The following CLASP1 variants were observed in gnomAD, a reference collection of about 807,000 sequenced individuals.
The protein encoded by CLASP1 is CLIP-associating protein 1.
A neutral mutation model predicts 192.3 loss-of-function variants in CLASP1; 38 were observed. The ratio of observed to expected loss-of-function variants is 0.20; its 90% confidence interval spans 0.15 to 0.26. The LOEUF (loss-of-function observed/expected upper bound fraction) is 0.26. CLASP1 is among the 10% of genes least tolerant of loss of function. CLASP1 has a pLI of 1.00. For synonymous variants in CLASP1, 691 were observed against 712.8 expected, an observed-to-expected ratio of 0.97 and a Z score of 0.49; for missense variants, 1,433 against 1,932.5, an observed-to-expected ratio of 0.74 and a Z score of 4.85.
chr2:121,585,093 T>C (rs1466926712), intron 2 of CLASP1, among the ~76,000 whole-genome samples: 2 of 152,184 alleles, frequency 1.3e-5, no homozygotes, highest in African/African-American at 4.8e-5. Context: ...AGAAAAACTA[T>C]GGAGAGATTA....
chr2:121,621,757 G>A (rs2106114732), intron 1 of CLASP1, among the ~76,000 whole-genome samples: 2 of 152,098 alleles, frequency 1.3e-5, no homozygotes, highest in East Asian at 3.9e-4. Flanking sequence ...TTTCAAGATT[G>A]TTTTGGCAAT....
Position 121,387,745 on chromosome 2 carries a change from C to G in CLASP1, c.3267+18G>C. 1.2e-6 allele frequency: 2 copies of G among 1,613,620 alleles called. No homozygotes were observed. The highest frequency in any genetic ancestry group is 1.7e-6 in the Non-Finnish European group (2 of 1,179,606). On this transcript the variant is annotated intron_variant, in intron 31 of 39. Transcript: ENST00000263710. ...TCATGGACATCACATAGGCACCAAT[C>G]GTGACCAAAGCACTCACCACACTGG...
chr2:121,542,429 T>A (rs1235169764), intron 2 of CLASP1, among the ~76,000 whole-genome samples: 1 of 152,206 alleles, frequency 6.6e-6, no homozygotes, highest in Non-Finnish European at 1.5e-5. Context: ...CCTCACTAAG[T>A]AAGGAGAAAT....
At chr2:121,621,283 G>GT (rs2067305068) in intron 1 of CLASP1, among the ~76,000 whole-genome samples, 1 of 151,998 alleles carries the variant, frequency 6.6e-6, no homozygotes, top group Admixed American at 6.6e-5. Context: ...TTACAACCAT[G>GT]TTTTCTTCTA....
rs549818046 is a variant in CLASP1, at chr2:121,351,403, C to G, written c.4207-2685G>C. Reference sequence around the variant, plus strand: ...TTTCTTCTTATCAAACATCCAGGAACTGAAACATTTCTGTTGTACCTAAGT... The same window carrying G: ...TTTCTTCTTATCAAACATCCAGGAAGTGAAACATTTCTGTTGTACCTAAGT... On this transcript the variant is annotated intron_variant, in intron 37 of 39. Coordinates refer to ENST00000263710, the Ensembl canonical transcript of CLASP1. Among the ~76,000 whole-genome samples, 6 of 152,334 alleles carry G rather than the reference C, an allele frequency of 3.9e-5. No individual in the cohort carries two copies. In the South Asian group the frequency reaches 1.2e-3, roughly 32 times the overall value.
In CLASP1 at chr2:121,390,060, G is replaced by T. The variant is rs2074079050; in HGVS notation, c.3124-2154C>A. 2.0e-5 allele frequency among the ~76,000 whole-genome samples: 3 copies of T among 152,220 alleles called. No individual in the cohort carries two copies. In the South Asian group the frequency reaches 6.2e-4, roughly 32 times the overall value. On this transcript the variant is annotated intron_variant, in intron 30 of 39. Coordinates refer to ENST00000263710, the Ensembl canonical transcript of CLASP1. Reference sequence around the variant, plus strand: ...GGGCCCAAGTATCCAATTTTTAAAAGATTTTATATCAGAGTTTTGCCACGA... The same window carrying T: ...GGGCCCAAGTATCCAATTTTTAAAATATTTTATATCAGAGTTTTGCCACGA...
At chr2:121,448,446 C>T in intron 17 of CLASP1, 121 bp from the exon 18 acceptor site, 1 of 859,554 alleles carries the variant, frequency 1.2e-6, no homozygotes, top group Non-Finnish European at 1.9e-6. Flanking sequence ...ATTTTTTGGG[C>T]AATGTGAACC....
chr2:121,580,369 T>A (rs916296487), intron 2 of CLASP1, among the ~76,000 whole-genome samples: 3 of 152,196 alleles, frequency 2.0e-5, no homozygotes, highest in African/African-American at 7.2e-5. Flanking sequence ...AATTTTAAAA[T>A]TTCTCTTTAT....
At chr2:121,430,612 A>C (rs1168486888) in intron 19 of CLASP1, among the ~76,000 whole-genome samples, 1 of 152,230 alleles carries the variant, frequency 6.6e-6, no homozygotes, top group Admixed American at 6.5e-5. Context: ...ATAGAAAATA[A>C]GAGTAATACC....
intron 25 of CLASP1, among the ~76,000 whole-genome samples, chr2:121,406,082 G>A (rs868395974): frequency 1.6e-4 from 25 of 152,216 alleles, no homozygotes; most frequent in Middle Eastern, 6.8e-3. Context: ...CCTTTCTCCC[G>A]TTTTCACATC....
rs556876777 is a variant in CLASP1 at position 121,632,933 on chromosome 2, A to C, written c.-286+16439T>G. 1.9e-4 allele frequency among the ~76,000 whole-genome samples: 28 copies of C among 150,832 alleles called. No individual in the cohort carries two copies. The East Asian group carries it at 5.5e-3, about 29-fold the overall frequency. ...AAAGCAAAATGCAAAAGTAGTCTAT[A>C]ATCAGCCACGAACTGTACAAAAACA... is the stretch of plus-strand genomic sequence containing the variant. On this transcript the variant is annotated intron_variant, in intron 1 of 39. Transcript: ENST00000263710.
intron 28 of CLASP1, among the ~76,000 whole-genome samples, chr2:121,400,620 G>A (rs574867564): frequency 1.4e-4 from 21 of 152,336 alleles, no homozygotes; most frequent in African/African-American, 3.6e-4. Flanking sequence ...CTGGATTTGC[G>A]TTCCCAAACA....
chr2:121,485,156 G>C (rs1368669080), intron 8 of CLASP1, among the ~76,000 whole-genome samples: 1 of 152,218 alleles, frequency 6.6e-6, no homozygotes, highest in African/African-American at 2.4e-5. Context: ...CTACATGGGA[G>C]AGGATTACTC....
intron 1 of CLASP1, among the ~76,000 whole-genome samples, chr2:121,629,908 A>C (rs1252164603): frequency 2.0e-5 from 3 of 152,058 alleles, no homozygotes; most frequent in Non-Finnish European, 4.4e-5. Context: ...ACACACTAAA[A>C]TGTTAATACT....
chr2:121,388,121 T>G, intron 30 of CLASP1: 2 of 444,612 alleles, frequency 4.5e-6, no homozygotes, highest in Non-Finnish European at 8.0e-6. Context: ...TAATGCCCTC[T>G]GGCCTTGGAA....
chr2:121,378,252 C>G (rs1175020246), intron 33 of CLASP1, among the ~76,000 whole-genome samples: 4 of 152,166 alleles, frequency 2.6e-5, no homozygotes, highest in African/African-American at 9.7e-5. Context: ...CACCCATGAG[C>G]TTGCTATTAA....
chr2:121,547,886 A>G (rs2057627866), intron 2 of CLASP1, among the ~76,000 whole-genome samples: 1 of 152,074 alleles, frequency 6.6e-6, no homozygotes. Flanking sequence ...ACCCTAAACA[A>G]AGACTCAGCC....
chr2:121,531,012 A>T lies in CLASP1; in HGVS notation c.196-687T>A, dbSNP rs974264897. ...TTTGGTGCAATTTTTGGAAAAATGA[A>T]AACCTGTTTTCATAGACTTATCAGT... On this transcript the variant is annotated intron_variant, in intron 2 of 39. Transcript: ENST00000263710. 1.1e-5 allele frequency: 8 copies of T among 700,102 alleles called. No homozygotes were observed. In the East Asian group the frequency reaches 1.6e-4, roughly 14 times the overall value. 43.4% of individuals were successfully genotyped at this position (700,102 alleles called of 1,614,324 possible).
At chr2:121,569,356 A>C (rs1004027472) in intron 2 of CLASP1, among the ~76,000 whole-genome samples, 3 of 152,262 alleles carry the variant, frequency 2.0e-5, no homozygotes, top group African/African-American at 7.2e-5. Flanking sequence ...CTGAAGCACA[A>C]TCTAGAGACA....
Sources: gnomAD v4.1 joint callset for allele counts (sites outside exome capture counted in the v4.1 genomes callset) on GRCh38, gnomAD v4.1.1 for gene constraint, MANE v1.5 for transcripts, NCBI Gene and HGNC (gene_info 2026-07-23, HGNC 2026-07-21) for gene names.